ARHGEF18: variants seen among roughly 807,000 people sequenced by gnomAD.
ARHGEF18 encodes rho guanine nucleotide exchange factor 18.
ARHGEF18 carries 93 observed loss-of-function variants against 155.7 expected under a neutral mutation model. The ratio of observed to expected loss-of-function variants is 0.60; its 90% CI spans 0.50 to 0.71. The LOEUF is 0.71. ARHGEF18 is among the 30% of genes least tolerant of loss of function. ARHGEF18 has a pLI of 0.00. For synonymous variants in ARHGEF18, 742 were observed against 753.1 expected (o/e 0.99, Z 0.24); for missense variants, 1,593 against 1,816.1 (o/e 0.88, Z 2.23).
chr19:7,404,856 G>T (rs1043386023), intron 10 of ARHGEF18, among the ~76,000 whole-genome samples: 1 of 152,264 alleles, frequency 6.6e-6, no homozygotes, highest in Admixed American at 6.6e-5. Context: ...ACCAAAAACA[G>T]AACATTCTAT....
At chr19:7,477,208 G>A, downstream of ARHGEF18, 1 of 1,499,690 alleles carries the variant, frequency 6.7e-7, no homozygotes, top group Non-Finnish European at 8.9e-7. Flanking sequence ...AGTGTCAGGG[G>A]GTAGTGGCCT....
In ARHGEF18 at chr19:7,395,941, G is replaced by C. The variant is rs916321892; in HGVS notation, c.967+12738G>C. On this transcript the variant is annotated intron_variant, in intron 10 of 28. Transcript: ENST00000668164. This position sits in a 1 kb window ranked among gnomAD's most constrained non-coding sequence, Gnocchi z 5.0. The stretch of plus-strand genomic sequence containing the variant: ...TGAGGTTTGGGGTGTGACTGATCTC[G>C]TCACCCAGGTACTGAGCATAGTACT... Among the ~76,000 whole-genome samples, 2 of 151,450 alleles carry C rather than the reference G, an allele frequency of 1.3e-5. No individual in the cohort carries two copies. The highest frequency in any genetic ancestry group is 2.4e-5 in the African/African-American group (1 of 41,362).
intron 10 of ARHGEF18, among the ~76,000 whole-genome samples, chr19:7,417,986 C>T (rs374472622): frequency 1.2e-4 from 18 of 152,300 alleles, no homozygotes; most frequent in African/African-American, 4.3e-4. Flanking sequence ...GGATTTGGCC[C>T]TGGGGCCATA....
At chr19:7,464,021 T>C in intron 22 of ARHGEF18, 66 bp downstream of exon 22, 1 of 1,483,718 alleles carries the variant, frequency 6.7e-7, no homozygotes, top group Non-Finnish European at 9.0e-7. Context: ...TTAACTTGTA[T>C]GGGGTTTCCT....
At chr19:7,368,727 G>T (rs1970055338) in intron 2 of ARHGEF18, among the ~76,000 whole-genome samples, 2 of 152,252 alleles carry the variant, frequency 1.3e-5, no homozygotes, top group South Asian at 4.2e-4. Context: ...AAACCTTCGG[G>T]GGCTGCGACA....
chr19:7,363,701 G>A lies in ARHGEF18; in HGVS notation c.15+796G>A, dbSNP rs181849579. ...AGTGGATGGATGAGAAGAAATGTGA[G>A]TGGAAGGAAGGAAGGAAGAAAGATG... On this transcript the variant is annotated intron_variant, in intron 2 of 28. Transcript: ENST00000668164. Among the ~76,000 whole-genome samples, 3 of 150,968 alleles carry A rather than the reference G, an allele frequency of 2.0e-5. No individual in the cohort carries two copies. In the East Asian group the frequency reaches 5.9e-4, roughly 30 times the overall value.
At position 7,451,260 on chromosome 19, in the gene ARHGEF18, A is replaced by G; in HGVS notation, c.1849A>G (p.Thr617Ala). The change falls in exon 16 of 29, where the codon ACG (threonine) becomes GCG (alanine). Residue 617 changes from threonine to alanine, a missense_variant. Transcript: ENST00000668164. ...PVLVERIIQNTEAGTEDYEDL... is the reference protein window; with the variant it reads ...PVLVERIIQNAEAGTEDYEDL... ...GCTGGTGGAGCGCATCATCCAGAAC[A>G]CGGAAGGTAGGCCTTCTCCCCACTG... 1 of 1,613,446 alleles carries G rather than the reference A, an allele frequency of 6.2e-7. No individual in the cohort carries two copies. The highest frequency in any genetic ancestry group is 8.5e-7 in the Non-Finnish European group (1 of 1,179,866).
chr19:7,468,933 G>T lies in ARHGEF18; in HGVS notation c.3589G>T (p.Val1197Leu). 6.3e-7 allele frequency: 1 copy of T among 1,576,874 alleles called. No individual in the cohort carries two copies. Among genetic ancestry groups the T allele is most frequent in the Non-Finnish European group, 8.6e-7 (1 of 1,162,458 alleles). ...GCCAGAGTACGCAGAGCGCCCCGAG[G>T]TGGCTCGCCGGGACAGCGCCCCCAC... ...VGPEYAERPEVARRDSAPTEN... is the reference protein window; with the variant it reads ...VGPEYAERPELARRDSAPTEN... The change falls in exon 27 of 29, where the codon GTG becomes TTG. Residue 1197 changes from valine to leucine, a missense_variant. Coordinates refer to ENST00000668164, the MANE Select transcript of ARHGEF18 (RefSeq NM_001367823.1).
intron 2 of ARHGEF18, among the ~76,000 whole-genome samples, chr19:7,370,749 G>A (rs1214177478): frequency 6.6e-6 from 1 of 152,076 alleles, no homozygotes; most frequent in Non-Finnish European, 1.5e-5. Context: ...ACCTTAAAAA[G>A]GAAGGAAATT....
At chr19:7,403,522 C>T (rs1261652591) in intron 10 of ARHGEF18, among the ~76,000 whole-genome samples, 1 of 150,826 alleles carries the variant, frequency 6.6e-6, no homozygotes, top group Non-Finnish European at 1.5e-5. Context: ...GTTGCCTAAA[C>T]TTAGCTTTTT....
downstream of ARHGEF18, chr19:7,473,323 T>A (rs1002693341): frequency 2.6e-5 from 12 of 454,808 alleles, no homozygotes; most frequent in Admixed American, 7.1e-5. Flanking sequence ...AGGAAGATGA[T>A]GCAGGCCACG....
intron 26 of ARHGEF18, 70 bp from the exon 27 acceptor site, chr19:7,468,755 C>A: frequency 1.4e-6 from 2 of 1,449,104 alleles, no homozygotes; most frequent in Non-Finnish European, 1.8e-6. Flanking sequence ...CTGTGCACGA[C>A]CCTCGGGGGC....
At chr19:7,355,053 G>A (rs1049889431) in intron 1 of ARHGEF18, among the ~76,000 whole-genome samples, 1 of 148,510 alleles carries the variant, frequency 6.7e-6, no homozygotes, top group African/African-American at 2.5e-5. Flanking sequence ...CTGACCTCAC[G>A]GATACCAATG....
rs369172600 is a variant in ARHGEF18, at chr19:7,375,378, A to G, written c.276-342A>G. Among the ~76,000 whole-genome samples the G allele has an allele frequency of 1.6e-3, 198 of 122,474 alleles. 1 individual carries two copies. The highest frequency in any genetic ancestry group is 5.3e-3 in the African/African-American group (183 of 34,472). 80.3% of individuals were successfully genotyped at this position (122,474 alleles called of 152,430 possible). On this transcript the variant is annotated intron_variant, in intron 3 of 28. Coordinates refer to ENST00000668164, the MANE Select transcript of ARHGEF18 (RefSeq NM_001367823.1). ...AAAAGGAAGGAAGGAAGGAAGGAAG[A>G]AAGAAAAGGAAGGAAGGAAGAAAGG...
At position 7,463,737 on chromosome 19, in the gene ARHGEF18, G is replaced by T. The variant is rs902332082; in HGVS notation, c.2636-81G>T. The T allele has an allele frequency of 6.8e-7, 1 of 1,461,412 alleles. No homozygotes were observed. The highest frequency in any genetic ancestry group is 9.1e-7 in the Non-Finnish European group (1 of 1,097,664). The allele number at this position is 1,461,412 out of a possible 1,614,324, so 90.5% of individuals were successfully genotyped here. A position where few individuals can be genotyped will look rare whatever the true frequency, so the allele number is the denominator to read the frequency against. On this transcript the variant is annotated intron_variant, in intron 21 of 28. Transcript: ENST00000668164. This position sits in a 1 kb window ranked among gnomAD's most constrained non-coding sequence, Gnocchi z 5.2. ...CCAGTGAGTCCCTCCGTCCACCCGGGTCTCGCTGCCCCAGCGCTCCGTATT... is the reference window on the plus strand; with the variant it reads ...CCAGTGAGTCCCTCCGTCCACCCGGTTCTCGCTGCCCCAGCGCTCCGTATT...
Position 7,458,781 on chromosome 19 carries a change from C to G in ARHGEF18, c.2360+91C>G, listed in dbSNP as rs1976012815. The G allele has an allele frequency of 2.2e-6, 3 of 1,380,588 alleles. No homozygotes were observed. In the African/African-American group the frequency reaches 4.3e-5, roughly 20 times the overall value. The allele number at this position is 1,380,588 out of a possible 1,614,324, so 85.5% of individuals were successfully genotyped here. A position where few individuals can be genotyped will look rare whatever the true frequency, so the allele number is the denominator to read the frequency against. ...TCGACCGTTGGCCATCAGCTGTGAC[C>G]TTGAACTCCCTCATCCCAGCTTGGG... On this transcript the variant is annotated intron_variant, in intron 19 of 28. Coordinates refer to ENST00000668164, the MANE Select transcript of ARHGEF18 (RefSeq NM_001367823.1).
chr19:7,461,494 G>C (rs1976256819), intron 20 of ARHGEF18, among the ~76,000 whole-genome samples: 1 of 152,130 alleles, frequency 6.6e-6, no homozygotes, highest in Non-Finnish European at 1.5e-5. Flanking sequence ...AGGTTGCAGT[G>C]AGCCGAGATT....
chr19:7,437,453 T>C (rs556933308), intron 10 of ARHGEF18, among the ~76,000 whole-genome samples: 1 of 149,644 alleles, frequency 6.7e-6, no homozygotes, highest in African/African-American at 2.5e-5. Context: ...GCTCAGAGAA[T>C]GCTGAATCCT....
intron 10 of ARHGEF18, among the ~76,000 whole-genome samples, chr19:7,406,933 C>A (rs1246316231): frequency 6.6e-6 from 1 of 151,258 alleles, no homozygotes; most frequent in Non-Finnish European, 1.5e-5. Flanking sequence ...GGCGTGGTGG[C>A]GGGCGCCTGT....
Sources: allele counts gnomAD v4.1 joint callset (sites outside exome capture counted in the v4.1 genomes callset), GRCh38; gene constraint gnomAD v4.1.1; non-coding constraint Gnocchi (gnomAD v3.1); transcripts MANE v1.5; gene names NCBI Gene and HGNC (gene_info 2026-07-23, HGNC 2026-07-21).